HSD17B12: variants seen among roughly 807,000 people sequenced by gnomAD.
HSD17B12 encodes hydroxysteroid 17-beta dehydrogenase 12, also known as very-long-chain 3-oxoacyl-CoA reductase.
Under a neutral mutation model 39.3 loss-of-function variants are expected in HSD17B12, and 32 were observed. The observed-to-expected ratio is 0.81, with a 90% confidence interval of 0.61 to 1.09. HSD17B12 has a LOEUF of 1.09. Ranked by LOEUF, HSD17B12 falls within the 50% of genes least tolerant of loss-of-function variation. The probability of loss-of-function intolerance (pLI) is 0.00; values close to 1 mark genes in which losing one functional copy is unlikely to be tolerated. For missense variants in HSD17B12, 342 were observed against 382.9 expected (o/e 0.89, Z 0.89); for synonymous variants, 150 against 146.7 (o/e 1.02, Z -0.16).
chr11:43,609,868 G>A, the HSD17B12 span, among the ~76,000 whole-genome samples: 3 of 152,180 alleles, frequency 2.0e-5, no homozygotes, highest in Non-Finnish European at 2.9e-5. Flanking sequence ...TCGAGAGTTT[G>A]ATGTGATCCT....
At chr11:43,780,237 C>T (rs995004982) in intron 3 of HSD17B12, among the ~76,000 whole-genome samples, 13 of 152,170 alleles carry the variant, frequency 8.5e-5, no homozygotes, top group African/African-American at 3.1e-4. Flanking sequence ...GTGTTCTCAG[C>T]TTACTGCAAC....
chr11:43,751,046 A>G (rs1482533160), intron 2 of HSD17B12, 89 bp downstream of exon 2: 4 of 836,354 alleles, frequency 4.8e-6, no homozygotes, highest in East Asian at 2.7e-5. Context: ...TTTTTGAAGT[A>G]AAAAACACAA....
At chr11:43,815,283 G>A (rs1450929648) in intron 4 of HSD17B12, among the ~76,000 whole-genome samples, 154 bp from the exon 5 acceptor site, 1 of 152,072 alleles carries the variant, frequency 6.6e-6, no homozygotes, top group African/African-American at 2.4e-5. Context: ...GATAGATTTT[G>A]GACAGAAAGG....
intron 4 of HSD17B12, among the ~76,000 whole-genome samples, chr11:43,813,775 C>G (rs1031702431): frequency 2.6e-5 from 4 of 152,132 alleles, no homozygotes; most frequent in African/African-American, 9.7e-5. Flanking sequence ...TCTGGACCTG[C>G]TGTTATTAAT....
intron 1 of HSD17B12, among the ~76,000 whole-genome samples, chr11:43,722,150 G>A (rs181963810): frequency 5.8e-4 from 89 of 152,352 alleles, no homozygotes; most frequent in Non-Finnish European, 1.5e-4. Context: ...GGGGAGTTCT[G>A]ACAGAGGAGC....
chr11:43,676,761 A>G (rs1949697771), upstream of HSD17B12, among the ~76,000 whole-genome samples: 1 of 152,238 alleles, frequency 6.6e-6, no homozygotes, highest in African/African-American at 2.4e-5. Context: ...TTCACAGCAT[A>G]GTGTTCCCTA....
At chr11:43,849,629 C>A (rs189893211) in intron 9 of HSD17B12, among the ~76,000 whole-genome samples, 20 of 152,308 alleles carry the variant, frequency 1.3e-4, no homozygotes, top group Admixed American at 5.2e-4. Context: ...ATCAAAGGGG[C>A]CTTTCTTGAG....
intron 3 of HSD17B12, among the ~76,000 whole-genome samples, chr11:43,782,632 G>A (rs976048108): frequency 1.3e-4 from 19 of 148,184 alleles, no homozygotes; most frequent in Non-Finnish European, 1.6e-4. Flanking sequence ...CCAAGATTGC[G>A]CCACTGCACT....
chr11:43,661,296 G>A, the HSD17B12 span, among the ~76,000 whole-genome samples: 1 of 152,162 alleles, frequency 6.6e-6, no homozygotes, highest in Non-Finnish European at 1.5e-5. Flanking sequence ...TGGTTATGAT[G>A]GGTTGGGGGT....
rs547137169 is a variant in HSD17B12, at chr11:43,747,746, A to G, written c.161-3165A>G. On this transcript the variant is annotated intron_variant, in intron 1 of 10. Coordinates refer to ENST00000278353, the MANE Select transcript of HSD17B12 (RefSeq NM_016142.3). The stretch of plus-strand genomic sequence containing the variant: ...ACCGCCACTGCTATAGATTATGTGC[A>G]TGACGGACTGCCTTCCATTCACCAT... Among the ~76,000 whole-genome samples the G allele has an allele frequency of 1.8e-3, 280 of 152,340 alleles. 2 individuals are homozygous for G. Among genetic ancestry groups the G allele is most frequent in the African/African-American group, 6.4e-3 (267 of 41,580 alleles).
the HSD17B12 span, among the ~76,000 whole-genome samples, chr11:43,615,359 T>G: frequency 6.6e-6 from 1 of 152,242 alleles, no homozygotes; most frequent in African/African-American, 2.4e-5. Context: ...TATTCTCTGC[T>G]AGGGCTCACA....
intron 3 of HSD17B12, among the ~76,000 whole-genome samples, chr11:43,761,343 G>A (rs981971747): frequency 6.6e-6 from 1 of 152,092 alleles, no homozygotes; most frequent in Non-Finnish European, 1.5e-5. Flanking sequence ...AGAATATTTG[G>A]CCATTGCTTT....
chr11:43,605,561 CAA>C, the HSD17B12 span, among the ~76,000 whole-genome samples: 11 of 74,568 alleles, frequency 1.5e-4, no homozygotes, highest in Admixed American at 1.6e-4. Context: ...AACTCCATCT[CAA>C]AAAAAAAAAA....
In HSD17B12 at chr11:43,831,331, C is replaced by A. The variant is rs990637445; in HGVS notation, c.536+321C>A. ...GGGCGGATAGAGTTCCTGGGATATT[C>A]CCGGGAATACCTTCTTAAAGCTGTA... On this transcript the variant is annotated intron_variant, in intron 7 of 10. Transcript: ENST00000278353. This position sits in a 1 kb window ranked among gnomAD's most constrained non-coding sequence, Gnocchi z 4.1. 1.1e-5 allele frequency: 2 copies of A among 183,712 alleles called. No individual in the cohort carries two copies. Among genetic ancestry groups the A allele is most frequent in the Non-Finnish European group, 1.1e-5 (1 of 89,156 alleles). The allele number at this position is 183,712 out of a possible 1,614,324, so 11.4% of individuals were successfully genotyped here. A position where few individuals can be genotyped will look rare whatever the true frequency, so the allele number is the denominator to read the frequency against.
At chr11:43,581,486 C>T in the HSD17B12 span, 3 of 502,054 alleles carry the variant, frequency 6.0e-6, no homozygotes, top group East Asian at 5.8e-5. This position sits in a 1 kb window ranked among gnomAD's most constrained non-coding sequence, Gnocchi z 4.9. Flanking sequence ...GGAGGGCGCA[C>T]TCGTCGAGAA....
At chr11:43,588,847 C>T in the HSD17B12 span, among the ~76,000 whole-genome samples, 11 of 151,806 alleles carry the variant, frequency 7.2e-5, no homozygotes, top group Non-Finnish European at 7.4e-5. Context: ...ATCTTTTTCT[C>T]TACTTTATGT....
At chr11:43,672,617 G>C in the HSD17B12 span, among the ~76,000 whole-genome samples, 1 of 151,916 alleles carries the variant, frequency 6.6e-6, no homozygotes, top group Non-Finnish European at 1.5e-5. Flanking sequence ...GTGCGATCTT[G>C]GCTCACTGCA....
chr11:43,815,055 T>C (rs553674582), intron 4 of HSD17B12, among the ~76,000 whole-genome samples: 1 of 152,294 alleles, frequency 6.6e-6, no homozygotes, highest in East Asian at 1.9e-4. Context: ...TTCAGTATCC[T>C]GGACCACGGT....
chr11:43,643,776 G>C, the HSD17B12 span, among the ~76,000 whole-genome samples: 2 of 152,166 alleles, frequency 1.3e-5, no homozygotes, highest in Non-Finnish European at 2.9e-5. Context: ...TTTCTCTCTT[G>C]TTGCTTCCCA....
Sources: gnomAD v4.1 joint callset for allele counts (sites outside exome capture counted in the v4.1 genomes callset) on GRCh38, gnomAD v4.1.1 for gene constraint, Gnocchi (gnomAD v3.1) non-coding constraint, MANE v1.5 for transcripts, NCBI Gene and HGNC (gene_info 2026-07-23, HGNC 2026-07-21) for gene names.